GPATCH2: variants seen among roughly 807,000 people sequenced by gnomAD.
The protein encoded by GPATCH2 is G patch domain-containing protein 2.
Under a neutral mutation model 58.0 loss-of-function variants are expected in GPATCH2, and 51 were observed. The ratio of observed to expected loss-of-function variants is 0.88; its 90% CI spans 0.70 to 1.11. The LOEUF (loss-of-function observed/expected upper bound fraction) is 1.11. Ranked by LOEUF, GPATCH2 falls within the 50% of genes most tolerant of loss-of-function variation. The pLI, the probability that GPATCH2 is intolerant of heterozygous loss-of-function variation, is 0.00. For synonymous variants in GPATCH2, 222 were observed against 218.5 expected (o/e 1.02, Z -0.14); for missense variants, 625 against 652.2 (o/e 0.96, Z 0.45).
chr1:217,614,484 T>C (rs1367248464), intron 2 of GPATCH2, among the ~76,000 whole-genome samples: 1 of 152,088 alleles, frequency 6.6e-6, no homozygotes, highest in South Asian at 2.1e-4. Context: ...CATTTTATCA[T>C]GTACTTTCAT....
chr1:217,464,885 A>G (rs1396730640), intron 8 of GPATCH2, among the ~76,000 whole-genome samples: 2 of 152,146 alleles, frequency 1.3e-5, no homozygotes, highest in Non-Finnish European at 2.9e-5. Flanking sequence ...AAAAGGAAAA[A>G]ATAAGGTCCT....
intron 6 of GPATCH2, among the ~76,000 whole-genome samples, chr1:217,505,501 T>A (rs867556218): frequency 2.0e-5 from 3 of 152,188 alleles, no homozygotes; most frequent in African/African-American, 7.2e-5. Flanking sequence ...TCACCCACAG[T>A]GTTGAACTAC....
At chr1:217,478,089 T>C (rs1661048436) in intron 8 of GPATCH2, among the ~76,000 whole-genome samples, 1 of 152,206 alleles carries the variant, frequency 6.6e-6, no homozygotes, top group South Asian at 2.1e-4. Flanking sequence ...AACCACAGTG[T>C]TACTGTTCTT....
chr1:217,438,213 A>G (rs1658939993), intron 9 of GPATCH2, among the ~76,000 whole-genome samples: 1 of 152,206 alleles, frequency 6.6e-6, no homozygotes. Flanking sequence ...GTCTGCACAG[A>G]AACCCCATCT....
chr1:217,544,814 G>C (rs914882870), intron 5 of GPATCH2, among the ~76,000 whole-genome samples: 3 of 152,098 alleles, frequency 2.0e-5, no homozygotes, highest in African/African-American at 7.2e-5. Flanking sequence ...AAATATAAAT[G>C]AATACTTTTT....
At chr1:217,558,011 CCT>C (rs1373656622) in intron 5 of GPATCH2, among the ~76,000 whole-genome samples, 2 of 152,044 alleles carry the variant, frequency 1.3e-5, no homozygotes, top group Non-Finnish European at 2.9e-5. Context: ...TTTTTAACCC[CCT>C]GACTTTTTCA....
At chr1:217,484,215 A>G (rs1661343224) in intron 8 of GPATCH2, among the ~76,000 whole-genome samples, 1 of 152,176 alleles carries the variant, frequency 6.6e-6, no homozygotes, top group African/African-American at 2.4e-5. Context: ...AATGTGGGTG[A>G]GCCTCTTCTA....
At chr1:217,575,609 G>A (rs1666769869) in intron 5 of GPATCH2, among the ~76,000 whole-genome samples, 2 of 152,062 alleles carry the variant, frequency 1.3e-5, no homozygotes, top group South Asian at 4.1e-4. Context: ...ACAAATAAAT[G>A]GCAGTACCAG....
At chr1:217,495,061 C>T (rs945186956) in intron 7 of GPATCH2, 6 of 679,802 alleles carry the variant, frequency 8.8e-6, no homozygotes, top group Admixed American at 6.3e-5. Context: ...AAGATACAAT[C>T]CCCTTATTAG....
chr1:217,495,913 T>A (rs1661982698), intron 7 of GPATCH2, among the ~76,000 whole-genome samples: 1 of 152,154 alleles, frequency 6.6e-6, no homozygotes, highest in Admixed American at 6.6e-5. Context: ...GAAAGAAGAA[T>A]CAATAAGATG....
chr1:217,527,295 T>A (rs1189271983), intron 5 of GPATCH2, among the ~76,000 whole-genome samples: 2 of 152,150 alleles, frequency 1.3e-5, no homozygotes, highest in Non-Finnish European at 2.9e-5. Context: ...CACTGGTTTA[T>A]AAAGTCGGTC....
intron 8 of GPATCH2, among the ~76,000 whole-genome samples, chr1:217,474,682 A>G (rs1449827675): frequency 1.3e-5 from 2 of 152,262 alleles, no homozygotes; most frequent in African/African-American, 2.4e-5. Flanking sequence ...ACGCACTTCA[A>G]AGTCTTGGCT....
chr1:217,627,604 CG>C (rs951512969), intron 1 of GPATCH2, among the ~76,000 whole-genome samples: 7 of 152,042 alleles, frequency 4.6e-5, no homozygotes, highest in African/African-American at 1.4e-4. Flanking sequence ...TATTCAATCA[CG>C]GGTGCTCCTG....
intron 5 of GPATCH2, among the ~76,000 whole-genome samples, chr1:217,524,726 C>T (rs1571860074): frequency 6.6e-6 from 1 of 150,464 alleles, no homozygotes; most frequent in African/African-American, 2.4e-5. Context: ...TCAGGCGTGG[C>T]AGCGCGCACC....
At chr1:217,546,298 G>A (rs1445020157) in intron 5 of GPATCH2, among the ~76,000 whole-genome samples, 1 of 151,944 alleles carries the variant, frequency 6.6e-6, no homozygotes, top group Non-Finnish European at 1.5e-5. Flanking sequence ...AAAAACTATT[G>A]TTTAGGCAAT....
At position 217,439,490 on chromosome 1, in the gene GPATCH2, T is replaced by C. The variant is rs111719266; in HGVS notation, c.1367-8125A>G. 5.1e-3 allele frequency among the ~76,000 whole-genome samples: 775 copies of C among 152,058 alleles called. 7 individuals carry two copies. Among genetic ancestry groups the C allele is most frequent in the African/African-American group, 0.017 (699 of 41,466 alleles). On this transcript the variant is annotated intron_variant, in intron 9 of 9. Coordinates refer to ENST00000366935, the MANE Select transcript of GPATCH2 (RefSeq NM_018040.5). ...AGCAAGGGCAAACAAATTCAAAAGA[T>C]AGCAGAAGACAAGAAATAATTAAGA...
At chr1:217,554,292 C>T (rs1371455341) in intron 5 of GPATCH2, among the ~76,000 whole-genome samples, 1 of 152,188 alleles carries the variant, frequency 6.6e-6, no homozygotes, top group African/African-American at 2.4e-5. Context: ...GCCACCTCCA[C>T]CTGCTTCTGG....
chr1:217,554,592 C>T (rs895564756), intron 5 of GPATCH2, among the ~76,000 whole-genome samples: 2 of 152,254 alleles, frequency 1.3e-5, no homozygotes, highest in African/African-American at 4.8e-5. Context: ...AATATATATA[C>T]CCATTGATAA....
intron 8 of GPATCH2, among the ~76,000 whole-genome samples, chr1:217,464,270 A>G (rs1660339207): frequency 6.6e-6 from 1 of 152,140 alleles, no homozygotes; most frequent in African/African-American, 2.4e-5. Context: ...GTATTCCCCA[A>G]ACCCTCCCCT....
Sources: allele counts gnomAD v4.1 joint callset (sites outside exome capture counted in the v4.1 genomes callset), GRCh38; gene constraint gnomAD v4.1.1; transcripts MANE v1.5; gene names NCBI Gene and HGNC (gene_info 2026-07-23, HGNC 2026-07-21).